TPI1: variants seen among roughly 807,000 people sequenced by gnomAD.
TPI1 encodes the protein triosephosphate isomerase.
Under a neutral mutation model 31.0 loss-of-function variants are expected in TPI1, and 11 were observed. That is an observed-to-expected ratio of 0.36 (90% confidence interval 0.22 to 0.59). TPI1 has a LOEUF of 0.59. Among genes scored for constraint, TPI1 ranks in the 20% least tolerant of loss-of-function variants. The pLI is 0.79. For missense variants in TPI1, 245 were observed against 319.7 expected, an observed-to-expected ratio of 0.77 and a Z score of 1.78; for synonymous variants, 121 against 122.8, an observed-to-expected ratio of 0.99 and a Z score of 0.10.
At chr12:6,870,242 C>T (rs149531901) in intron 6 of TPI1, 23 bp from the exon 7 acceptor site, 1 of 1,610,700 alleles carries the variant, frequency 6.2e-7, no homozygotes, top group African/African-American at 1.3e-5. Flanking sequence ...CTTGACCAAG[C>T]CCTTGTTCTG....
chr12:6,868,034 G>A (rs1944496621), intron 1 of TPI1: 1 of 1,221,716 alleles, frequency 8.2e-7, no homozygotes, highest in Non-Finnish European at 1.0e-6. Context: ...GGGAGGCTGG[G>A]CCGCGTGGGC....
In TPI1 at chr12:6,870,717, C is replaced by G. The variant is rs782607948; in HGVS notation, c.*334C>G. The G allele has an allele frequency of 3.6e-6, 2 of 560,988 alleles. No individual in the cohort carries two copies. Among genetic ancestry groups the G allele is most frequent in the Non-Finnish European group, 6.9e-6 (2 of 290,062 alleles). 34.8% of individuals were successfully genotyped at this position (560,988 alleles called of 1,614,324 possible). On this transcript the variant is annotated 3_prime_UTR_variant, in exon 7 of 7. Coordinates refer to ENST00000396705, the MANE Select transcript of TPI1 (RefSeq NM_000365.6). ...GAAACCATCCTCTCCCTTCTTACAC[C>G]GTGAGGCCAAGATCCCCTCAGAAGG...
Position 6,869,191 on chromosome 12 carries a change from G to A in TPI1, c.324+8G>A, listed in dbSNP as rs373282561. 5.6e-6 allele frequency: 9 copies of A among 1,614,058 alleles called. No individual in the cohort carries two copies. In the African/African-American group the frequency reaches 1.2e-4, roughly 22 times the overall value. On this transcript the variant is annotated splice_region_variant and intron_variant, in intron 3 of 6. Transcript: ENST00000396705. The stretch of plus-strand genomic sequence containing the variant: ...TTTGGGGAGTCAGATGAGGTTAGTA[G>A]CCAAGAGAGAAGATAAGGGATGTCT...
At chr12:6,867,709 C>CTGGG (rs1944488028) in intron 1 of TPI1, 28 bp downstream of exon 1, 2 of 1,579,408 alleles carry the variant, frequency 1.3e-6, no homozygotes, top group African/African-American at 2.8e-5. Flanking sequence ...AGGGGTCTGG[C>CTGGG]CGGGCCGGGG....
At chr12:6,868,471 C>T (rs1010873132) in intron 1 of TPI1, 72 of 1,286,584 alleles carry the variant, frequency 5.6e-5, no homozygotes, top group Non-Finnish European at 7.0e-5. Flanking sequence ...GAGTTGGCCC[C>T]TCTCCTTTTG....
intron 1 of TPI1, chr12:6,868,322 A>T: frequency 7.8e-7 from 1 of 1,287,644 alleles, no homozygotes; most frequent in Non-Finnish European, 1.0e-6. Flanking sequence ...TGAGTCAGTT[A>T]GGTCTCTGCC....
In TPI1 at chr12:6,869,681, C is replaced by T. The variant is rs781878443; in HGVS notation, c.458-7C>T. The T allele has an allele frequency of 9.3e-6, 15 of 1,613,990 alleles. No individual in the cohort carries two copies. In the Admixed American group the frequency reaches 2.3e-4, roughly 25 times the overall value. On this transcript the variant is annotated splice_polypyrimidine_tract_variant and splice_region_variant and intron_variant, in intron 4 of 6. Transcript: ENST00000396705. ...CCCTTCCCTCCATCTGTATCTCTGC[C>T]CTGCAGATAACGTGAAGGACTGGAG... is the stretch of plus-strand genomic sequence containing the variant.
In TPI1 at chr12:6,870,479, G is replaced by C. The variant is rs1944563271; in HGVS notation, c.*96G>C. On this transcript the variant is annotated 3_prime_UTR_variant, in exon 7 of 7. Coordinates refer to ENST00000396705, the MANE Select transcript of TPI1 (RefSeq NM_000365.6). ...TTTCCCTGCATATGCTTCTGATGGTGTCATCTGCTCCTTCCTGTGGCCTCA... is the reference window on the plus strand; with the variant it reads ...TTTCCCTGCATATGCTTCTGATGGTCTCATCTGCTCCTTCCTGTGGCCTCA... 2.2e-6 allele frequency: 2 copies of C among 924,102 alleles called. No homozygotes were observed. The highest frequency in any genetic ancestry group is 3.6e-6 in the Non-Finnish European group (2 of 551,188). 57.2% of individuals were successfully genotyped at this position (924,102 alleles called of 1,614,324 possible).
rs782236235 is a variant in TPI1, at chr12:6,870,714, C to A, written c.*331C>A. The A allele has an allele frequency of 1.2e-5, 7 of 564,368 alleles. No individual in the cohort carries two copies. The highest frequency in any genetic ancestry group is 2.1e-5 in the Non-Finnish European group (6 of 292,068). The allele number at this position is 564,368 out of a possible 1,614,324, so 35.0% of individuals were successfully genotyped here. Reference sequence around the variant, plus strand: ...AGAGAAACCATCCTCTCCCTTCTTACACCGTGAGGCCAAGATCCCCTCAGA... The same window carrying A: ...AGAGAAACCATCCTCTCCCTTCTTAAACCGTGAGGCCAAGATCCCCTCAGA... On this transcript the variant is annotated 3_prime_UTR_variant, in exon 7 of 7. Transcript: ENST00000396705.
intron 4 of TPI1, 136 bp downstream of exon 4, chr12:6,869,526 G>A: frequency 6.6e-7 from 1 of 1,510,702 alleles, no homozygotes; most frequent in Non-Finnish European, 9.2e-7. Flanking sequence ...GACAATCTTT[G>A]CTTGGGGCCT....
At chr12:6,868,340 G>A (rs2138090050) in intron 1 of TPI1, 1 of 1,287,788 alleles carries the variant, frequency 7.8e-7, no homozygotes, top group African/African-American at 1.5e-5. Flanking sequence ...GCCACCCACG[G>A]GCAAAGGATG....
chr12:6,868,417 TC>T (rs1465319190), intron 1 of TPI1: 32 of 1,288,958 alleles, frequency 2.5e-5, no homozygotes, highest in Non-Finnish European at 3.1e-5. Context: ...CAAAGAGGCA[TC>T]CCCTTCTCGT....
chr12:6,867,953 G>A (rs954289318), intron 1 of TPI1: 2 of 796,972 alleles, frequency 2.5e-6, no homozygotes, highest in Non-Finnish European at 1.8e-6. Context: ...GTGGCCCCGG[G>A]GCGCGCACTG....
At chr12:6,868,761 A>AGAAGAGGGTGAGGGCTG in intron 1 of TPI1, 103 bp from the exon 2 acceptor site, 1 of 1,514,470 alleles carries the variant, frequency 6.6e-7, no homozygotes, top group South Asian at 1.2e-5. Context: ...AGAACCAAGA[A>AGAAGAGGGTGAGGGCTG]GAAGAGGGTG....
At position 6,869,004 on chromosome 12, in the gene TPI1, G is replaced by C. The variant is rs1344141762; in HGVS notation, c.239+17G>C. On this transcript the variant is annotated intron_variant, in intron 2 of 6. Coordinates refer to ENST00000396705, the MANE Select transcript of TPI1 (RefSeq NM_000365.6). ...GGAGATCAGGTGAGATCGAGGTGGAGAGGGGTGTGTGGGACCCTTCCCTCA... is the reference window on the plus strand; with the variant it reads ...GGAGATCAGGTGAGATCGAGGTGGACAGGGGTGTGTGGGACCCTTCCCTCA... 2.5e-6 allele frequency: 4 copies of C among 1,614,038 alleles called. No individual in the cohort carries two copies. Among genetic ancestry groups the C allele is most frequent in the Non-Finnish European group, 3.4e-6 (4 of 1,180,040 alleles).
chr12:6,867,430 C>T, upstream of TPI1: 1 of 1,445,034 alleles, frequency 6.9e-7, no homozygotes, highest in Non-Finnish European at 9.1e-7. Context: ...GGGCGGGGGG[C>T]AGGGCTCCGG....
rs782052523 is a variant in TPI1, at chr12:6,870,634, A to G, written c.*251A>G. On this transcript the variant is annotated 3_prime_UTR_variant, in exon 7 of 7. Transcript: ENST00000396705. ...AAGGTGGCTTCTCCTTGGCTGAGAG[A>G]TGGAAGGCGTGGTGGGATTTGCTCC... 4.5e-6 allele frequency: 3 copies of G among 664,496 alleles called. No homozygotes were observed. The highest frequency in any genetic ancestry group is 8.5e-6 in the Non-Finnish European group (3 of 354,258). The allele number at this position is 664,496 out of a possible 1,614,324, so 41.2% of individuals were successfully genotyped here.
Position 6,870,070 on chromosome 12 carries a change from C to A in TPI1, c.565C>A (p.Leu189Ile), listed in dbSNP as rs1188880338. ...CTAGGCCCAGGAAGTACACGAGAAG[C>A]TCCGAGGATGGCTGAAGTCCAACGT... Reference protein sequence around the residue: ...PQQAQEVHEKLRGWLKSNVSD... With the variant: ...PQQAQEVHEKIRGWLKSNVSD... Residue 189 changes from leucine to isoleucine, a missense_variant, in exon 6 of 7, where the codon CTC becomes ATC. By Grantham distance (5) the Leu-to-Ile change is conservative. This residue lies in a region of TPI1 where 127 missense variants were observed against 163.7 expected (regional missense o/e 0.78). Coordinates refer to ENST00000396705, the MANE Select transcript of TPI1 (RefSeq NM_000365.6). The A allele has an allele frequency of 4.3e-6, 7 of 1,614,122 alleles. No homozygotes were observed. The highest frequency in any genetic ancestry group is 5.9e-6 in the Non-Finnish European group (7 of 1,180,052).
intron 5 of TPI1, 32 bp from the exon 6 acceptor site, chr12:6,870,017 A>G: frequency 6.2e-7 from 1 of 1,612,470 alleles, no homozygotes; most frequent in Non-Finnish European, 8.5e-7. Flanking sequence ...AGAGGCAGAA[A>G]AGGTCTTACT....
Sources: gnomAD v4.1 joint callset for allele counts on GRCh38, gnomAD v4.1.1 for gene constraint, gnomAD v4.1.1 regional missense constraint, MANE v1.5 for transcripts, NCBI Gene and HGNC (gene_info 2026-07-23, HGNC 2026-07-21) for gene names.